DLG2: variants seen among roughly 807,000 people sequenced by gnomAD.
DLG2 encodes the protein discs large MAGUK scaffold protein 2.
DLG2 carries 45 observed loss-of-function variants against 132.5 expected under a neutral mutation model. That is an observed-to-expected ratio of 0.34 (90% CI 0.27 to 0.44). The LOEUF (loss-of-function observed/expected upper bound fraction) is 0.44, where lower values mean the gene tolerates loss of function less well. Among genes scored for constraint, DLG2 ranks in the 20% least tolerant of loss-of-function variants. DLG2 has a pLI of 1.00. For missense variants in DLG2, 1,045 were observed against 1,196.9 expected (o/e 0.87, Z 1.87); for synonymous variants, 424 against 419.6 (o/e 1.01, Z -0.13).
intron 4 of DLG2, among the ~76,000 whole-genome samples, chr11:85,216,931 T>C (rs1186313758): frequency 1.3e-5 from 2 of 151,998 alleles, no homozygotes; most frequent in Non-Finnish European, 2.9e-5. Context: ...CCTGACCTCA[T>C]GATCTACCCA....
intron 7 of DLG2, among the ~76,000 whole-genome samples, chr11:84,352,709 T>C (rs1406209637): frequency 6.6e-6 from 1 of 152,214 alleles, no homozygotes; most frequent in Non-Finnish European, 1.5e-5. Flanking sequence ...AAAATAACTT[T>C]GTGGTAATAT....
chr11:84,688,381 T>C (rs1288794910), intron 6 of DLG2, among the ~76,000 whole-genome samples: 1 of 152,178 alleles, frequency 6.6e-6, no homozygotes, highest in Non-Finnish European at 1.5e-5. Context: ...AATAAATGTA[T>C]TTTCTTGTAA....
At chr11:85,503,917 G>C (rs932460089) in intron 3 of DLG2, among the ~76,000 whole-genome samples, 1 of 152,238 alleles carries the variant, frequency 6.6e-6, no homozygotes, top group East Asian at 1.9e-4. Context: ...GGGCAACACA[G>C]TGAGACCCTG....
At chr11:83,507,894 C>T (rs1220695194) in intron 21 of DLG2, among the ~76,000 whole-genome samples, 4 of 150,604 alleles carry the variant, frequency 2.7e-5, no homozygotes, top group African/African-American at 9.8e-5. Flanking sequence ...CAATCCGAGT[C>T]TCAAAACTAA....
chr11:84,005,173 T>C (rs1384038442), intron 11 of DLG2, among the ~76,000 whole-genome samples: 2 of 151,910 alleles, frequency 1.3e-5, no homozygotes, highest in African/African-American at 4.8e-5. Context: ...TGGAACAGAA[T>C]AGAGAAGTCA....
intron 3 of DLG2, among the ~76,000 whole-genome samples, chr11:85,507,473 T>G (rs549769431): frequency 7.2e-5 from 11 of 152,286 alleles, no homozygotes; most frequent in Non-Finnish European, 1.5e-4. Context: ...CTTATGAAGC[T>G]TAGTTTGGTT....
At chr11:84,268,979 C>A (rs1343444535) in intron 7 of DLG2, among the ~76,000 whole-genome samples, 1 of 152,138 alleles carries the variant, frequency 6.6e-6, no homozygotes, top group Non-Finnish European at 1.5e-5. Flanking sequence ...TATTTTAAAA[C>A]TAAAGCATAT....
rs183519199 is a variant in DLG2 at position 83,569,952 on chromosome 11, G to C, written c.1941-28094C>G. 7.5e-4 allele frequency among the ~76,000 whole-genome samples: 114 copies of C among 152,332 alleles called. 1 individual carries two copies. The highest frequency in any genetic ancestry group is 2.5e-3 in the African/African-American group (102 of 41,576). The stretch of plus-strand genomic sequence containing the variant: ...AGCTTCATGAGGACATGTTGAATGA[G>C]AGTCAGACTTTCCATCACACTCCCC... On this transcript the variant is annotated intron_variant, in intron 19 of 27. Transcript: ENST00000376104.
At chr11:84,059,769 G>A (rs1397114083) in intron 10 of DLG2, among the ~76,000 whole-genome samples, 4 of 152,100 alleles carry the variant, frequency 2.6e-5, no homozygotes, top group African/African-American at 9.7e-5. Flanking sequence ...GGCATAGTTA[G>A]AAGGGCATGT....
chr11:85,424,021 C>T (rs1231539453), intron 3 of DLG2, among the ~76,000 whole-genome samples: 1 of 152,180 alleles, frequency 6.6e-6, no homozygotes, highest in African/African-American at 2.4e-5. Context: ...ATGGCCTTTT[C>T]CCAGTGCCTC....
At chr11:84,652,253 G>A (rs1350539889) in intron 6 of DLG2, among the ~76,000 whole-genome samples, 1 of 152,144 alleles carries the variant, frequency 6.6e-6, no homozygotes, top group Admixed American at 6.5e-5. Context: ...TTGTGTGTGT[G>A]TGTTTCTTTT....
At chr11:85,248,388 A>G (rs2076237636) in intron 4 of DLG2, among the ~76,000 whole-genome samples, 1 of 152,090 alleles carries the variant, frequency 6.6e-6, no homozygotes, top group Non-Finnish European at 1.5e-5. Flanking sequence ...TTCTTCGGTA[A>G]ATAGTTCTCA....
intron 6 of DLG2, among the ~76,000 whole-genome samples, chr11:84,973,284 C>G (rs1373275049): frequency 6.6e-6 from 1 of 152,094 alleles, no homozygotes; most frequent in Non-Finnish European, 1.5e-5. Context: ...AATTTTTAAT[C>G]ATAGTGACAT....
At chr11:83,823,580 G>A (rs1400313) in intron 17 of DLG2, among the ~76,000 whole-genome samples, 68,619 of 151,918 alleles carry the variant, frequency 0.45, 15,695 homozygotes, top group Middle Eastern at 0.64. Context: ...GCCAGAGCGC[G>A]AGATGAATAA....
At chr11:85,363,248 G>C (rs922897508) in intron 3 of DLG2, among the ~76,000 whole-genome samples, 9 of 152,168 alleles carry the variant, frequency 5.9e-5, no homozygotes, top group Admixed American at 3.3e-4. Flanking sequence ...AGAAATACAG[G>C]AAATGCAGAG....
intron 6 of DLG2, among the ~76,000 whole-genome samples, chr11:85,023,113 T>C (rs897455823): frequency 3.9e-5 from 6 of 152,072 alleles, no homozygotes; most frequent in Non-Finnish European, 8.8e-5. Context: ...TTCTCTCACT[T>C]ATCAGTAAAC....
chr11:84,941,540 A>G (rs1467109379), intron 6 of DLG2, among the ~76,000 whole-genome samples: 1 of 152,142 alleles, frequency 6.6e-6, no homozygotes, highest in African/African-American at 2.4e-5. Flanking sequence ...ATTGATTTGC[A>G]TATATTGAAG....
intron 6 of DLG2, among the ~76,000 whole-genome samples, chr11:84,645,315 A>G (rs552964320): frequency 2.0e-5 from 3 of 152,314 alleles, no homozygotes; most frequent in African/African-American, 7.2e-5. Context: ...AGTAACTATC[A>G]ATATCTGATA....
At chr11:83,609,655 C>T (rs1049814070) in intron 19 of DLG2, among the ~76,000 whole-genome samples, 11 of 152,290 alleles carry the variant, frequency 7.2e-5, no homozygotes, top group African/African-American at 2.6e-4. Context: ...CTTCTCCCCA[C>T]TCTCATCCTT....
Sources: allele counts gnomAD v4.1 joint callset (sites outside exome capture counted in the v4.1 genomes callset), GRCh38; gene constraint gnomAD v4.1.1; transcripts MANE v1.5; gene names NCBI Gene and HGNC (gene_info 2026-07-23, HGNC 2026-07-21).